The following CDK6 variants were observed in gnomAD, a reference collection of about 807,000 sequenced individuals.
The protein encoded by CDK6 is cyclin-dependent kinase 6.
In CDK6, 6 loss-of-function variants were observed where a neutral mutation model predicts 37.1. The observed-to-expected ratio is 0.16, with a 90% CI of 0.09 to 0.32. The LOEUF (loss-of-function observed/expected upper bound fraction) is 0.32. Among genes scored for constraint, CDK6 ranks in the 10% least tolerant of loss-of-function variants. The probability of loss-of-function intolerance (pLI) is 1.00; values close to 1 mark genes in which losing one functional copy is unlikely to be tolerated. For missense variants in CDK6, 224 were observed against 418.9 expected, an observed-to-expected ratio of 0.53 and a Z score of 4.06; for synonymous variants, 160 against 161.3, an observed-to-expected ratio of 0.99 and a Z score of 0.06.
chr7:92,623,741 C>T (rs907570592), intron 5 of CDK6, among the ~76,000 whole-genome samples: 8 of 152,168 alleles, frequency 5.3e-5, no homozygotes, highest in Non-Finnish European at 1.0e-4. Flanking sequence ...TGTGACATTT[C>T]TGGCATTTCT....
At chr7:92,636,808 G>A (rs989020717) in intron 5 of CDK6, among the ~76,000 whole-genome samples, 1 of 152,166 alleles carries the variant, frequency 6.6e-6, no homozygotes, top group Non-Finnish European at 1.5e-5. Context: ...TGGGATTACA[G>A]GCATGCGCCA....
rs373777849 is a variant in CDK6, at chr7:92,615,144, G to A, written c.977C>T (p.Ala326Val). The change falls in exon 8 of 8, where the codon GCC (alanine) becomes GTC (valine). Residue 326 changes from alanine (A) to valine (V), a missense_variant. Ala to Val is a moderately conservative substitution (Grantham distance 64, BLOSUM62 0). Transcript: ENST00000424848. The stretch of plus-strand genomic sequence containing the variant: ...CTTAAGGCGGCTGCTGAGGCCTCAG[G>A]CTGTATTCAGCTCCGAGGTGTTCTG... ...PSQNTSELNT[A>V] 9.9e-6 allele frequency: 16 copies of A among 1,613,506 alleles called. No individual in the cohort carries two copies. The highest frequency in any genetic ancestry group is 1.3e-5 in the Non-Finnish European group (15 of 1,180,016).
At chr7:92,794,035 T>C (rs553306424) in intron 2 of CDK6, among the ~76,000 whole-genome samples, 3 of 152,212 alleles carry the variant, frequency 2.0e-5, no homozygotes, top group Non-Finnish European at 4.4e-5. Flanking sequence ...TATGTCTCAA[T>C]AGAGCTGTTT....
chr7:92,614,930 C>A lies in CDK6; in HGVS notation c.*210G>T. On this transcript the variant is annotated 3_prime_UTR_variant, in exon 8 of 8. Transcript: ENST00000424848. ...TGAAACAAACAGACAAACAAACAAA[C>A]AAATGAACATAAAGCTGCAATCACT... 4.3e-6 allele frequency: 2 copies of A among 467,256 alleles called. No individual in the cohort carries two copies. The highest frequency in any genetic ancestry group is 6.1e-5 in the East Asian group (2 of 33,056). The allele number at this position is 467,256 out of a possible 1,614,324, so 28.9% of individuals were successfully genotyped here.
chr7:92,655,147 C>T (rs1796666731), intron 5 of CDK6, among the ~76,000 whole-genome samples: 11 of 151,824 alleles, frequency 7.2e-5, no homozygotes, highest in Admixed American at 7.2e-4. Context: ...CACCTGGCCA[C>T]CAAATGGATT....
chr7:92,753,954 T>A (rs1799250713), intron 3 of CDK6, among the ~76,000 whole-genome samples: 1 of 152,138 alleles, frequency 6.6e-6, no homozygotes, highest in Non-Finnish European at 1.5e-5. Context: ...CATAGACAAG[T>A]CCCTAACCTC....
intron 4 of CDK6, among the ~76,000 whole-genome samples, chr7:92,706,820 G>A (rs574357430): frequency 6.6e-6 from 1 of 152,168 alleles, no homozygotes; most frequent in African/African-American, 2.4e-5. Context: ...TGAAAATTCT[G>A]CAACTGTCTG....
rs79205347 is a variant in CDK6 at position 92,733,915 on chromosome 7, C to T, written c.370-8122G>A. The stretch of plus-strand genomic sequence containing the variant: ...GCTGGTCTATGTTACCCAGGTTGGC[C>T]TCAAATTCCTGGCCTCAAGTTATTT... On this transcript the variant is annotated intron_variant, in intron 3 of 7. Coordinates refer to ENST00000424848, the MANE Select transcript of CDK6 (RefSeq NM_001145306.2). 5.5e-3 allele frequency among the ~76,000 whole-genome samples: 831 copies of T among 152,066 alleles called. 6 individuals carry two copies. The highest frequency in any genetic ancestry group is 0.019 in the African/African-American group (785 of 41,482).
At chr7:92,828,221 T>C (rs1801381046) in intron 2 of CDK6, among the ~76,000 whole-genome samples, 1 of 152,194 alleles carries the variant, frequency 6.6e-6, no homozygotes, top group Admixed American at 6.5e-5. Flanking sequence ...AATACTCTTG[T>C]AGAGATATAC....
rs1243806508 is a variant in CDK6 at position 92,608,487 on chromosome 7, A to G, written c.*6653T>C. On this transcript the variant is annotated 3_prime_UTR_variant, in exon 8 of 8. Transcript: ENST00000424848. Reference sequence around the variant, plus strand: ...AGGCATATCTTTCACCATCACATATATAGAATGATGGAAAATAAAAAAATA... The same window carrying G: ...AGGCATATCTTTCACCATCACATATGTAGAATGATGGAAAATAAAAAAATA... 1 of 230,828 alleles carries G rather than the reference A, an allele frequency of 4.3e-6. No homozygotes were observed. The highest frequency in any genetic ancestry group is 2.2e-5 in the African/African-American group (1 of 45,232). 14.3% of individuals were successfully genotyped at this position (230,828 alleles called of 1,614,324 possible).
At chr7:92,725,251 A>C in intron 4 of CDK6, 1 of 985,456 alleles carries the variant, frequency 1.0e-6, no homozygotes, top group Non-Finnish European at 1.2e-6. Flanking sequence ...GATGCTGCAG[A>C]CAGGTCAACG....
At chr7:92,694,898 A>G (rs1242312711) in intron 4 of CDK6, among the ~76,000 whole-genome samples, 2 of 152,320 alleles carry the variant, frequency 1.3e-5, no homozygotes, top group East Asian at 1.9e-4. Context: ...CTATTGAAAT[A>G]TATCTCTGGT....
At chr7:92,715,456 G>T (rs2116689906) in intron 4 of CDK6, among the ~76,000 whole-genome samples, 1 of 152,230 alleles carries the variant, frequency 6.6e-6, no homozygotes, top group South Asian at 2.1e-4. Context: ...TTTGAAGGTA[G>T]ATTATTCCTC....
At chr7:92,678,096 G>T (rs1039710492) in intron 4 of CDK6, among the ~76,000 whole-genome samples, 4 of 152,140 alleles carry the variant, frequency 2.6e-5, no homozygotes, top group African/African-American at 9.7e-5. Context: ...TTTAGCTCGT[G>T]AAAGTTCTCA....
chr7:92,676,010 A>T (rs1797194737), intron 4 of CDK6, among the ~76,000 whole-genome samples: 1 of 152,126 alleles, frequency 6.6e-6, no homozygotes, highest in South Asian at 2.1e-4. Flanking sequence ...TTATTTATAT[A>T]AAAAAACTGA....
intron 4 of CDK6, among the ~76,000 whole-genome samples, chr7:92,719,723 G>C (rs531777059): frequency 6.6e-6 from 1 of 152,092 alleles, no homozygotes; most frequent in East Asian, 1.9e-4. Flanking sequence ...TTGTATAAAG[G>C]CCCCAAAAAT....
intron 3 of CDK6, among the ~76,000 whole-genome samples, chr7:92,737,908 TGTA>T (rs1477262373): frequency 6.6e-6 from 1 of 152,148 alleles, no homozygotes; most frequent in Non-Finnish European, 1.5e-5. Flanking sequence ...AAGAAACCCT[TGTA>T]GTGGTGAGAA....
At chr7:92,801,883 A>G (rs1375417763) in intron 2 of CDK6, among the ~76,000 whole-genome samples, 1 of 151,726 alleles carries the variant, frequency 6.6e-6, no homozygotes, top group Non-Finnish European at 1.5e-5. Context: ...TAGCTTTCCA[A>G]AAGTGCTGAG....
At chr7:92,636,598 T>TA (rs1441429738) in intron 5 of CDK6, among the ~76,000 whole-genome samples, 1 of 152,132 alleles carries the variant, frequency 6.6e-6, no homozygotes, top group African/African-American at 2.4e-5. Context: ...CAGCATTTGA[T>TA]AAAAAACAGC....
Sources: allele counts gnomAD v4.1 joint callset (sites outside exome capture counted in the v4.1 genomes callset), GRCh38; gene constraint gnomAD v4.1.1; transcripts MANE v1.5; gene names NCBI Gene and HGNC (gene_info 2026-07-23, HGNC 2026-07-21).